The following AXDND1 variants were observed in gnomAD, a reference collection of about 807,000 sequenced individuals.
AXDND1 encodes the protein axonemal dynein light chain domain containing 1.
A neutral mutation model predicts 137.5 loss-of-function variants in AXDND1; 110 were observed. That is an observed-to-expected ratio of 0.80 (90% CI 0.69 to 0.94). AXDND1 has a LOEUF of 0.94. Ranked by LOEUF, AXDND1 falls within the 40% of genes least tolerant of loss-of-function variation. The pLI is 0.00. For synonymous variants in AXDND1, 414 were observed against 399.7 expected (o/e 1.04, Z -0.43); for missense variants, 1,191 against 1,169.8 (o/e 1.02, Z -0.26).
chr1:179,514,658 T>C (rs1049823006), intron 21 of AXDND1, among the ~76,000 whole-genome samples: 2 of 152,198 alleles, frequency 1.3e-5, no homozygotes, highest in African/African-American at 4.8e-5. Context: ...GTGCTGTCAG[T>C]GGAGTATTGA....
rs758850607 is a variant in AXDND1 at position 179,534,847 on chromosome 1, G to C, written c.2916G>C (p.Lys972Asn). 18 of 1,611,150 alleles carry C rather than the reference G, an allele frequency of 1.1e-5. No homozygotes were observed. The highest frequency in any genetic ancestry group is 1.4e-5 in the Non-Finnish European group (17 of 1,179,400). Residue 972 changes from lysine (K) to asparagine (N), a missense_variant, in exon 25 of 26, where the codon AAG (lysine) becomes AAC (asparagine). Physicochemically the swap from Lys to Asn is moderately conservative, Grantham distance 94. Coordinates refer to ENST00000367618, the MANE Select transcript of AXDND1 (RefSeq NM_144696.6). ...DLEELVMTSR[K>N]ESKEEKENQD... ...AGGAATTAGTCATGACATCAAGAAA[G>C]GAGTCTAAAGAAGAGAAAGAAAATC...
At chr1:179,461,950 G>A (rs1437297857) in intron 16 of AXDND1, among the ~76,000 whole-genome samples, 1 of 152,180 alleles carries the variant, frequency 6.6e-6, no homozygotes, top group Non-Finnish European at 1.5e-5. Context: ...TTTGGGCTGA[G>A]ACAATGAGGT....
chr1:179,395,256 A>G (rs61173288), intron 11 of AXDND1, 54 bp downstream of exon 11: 513,797 of 1,372,610 alleles, frequency 0.37, 97,488 homozygotes, highest in Admixed American at 0.44. Context: ...AGAAGCTTAT[A>G]TAGCTTCTGA....
At chr1:179,465,703 A>G (rs1663049015) in intron 16 of AXDND1, among the ~76,000 whole-genome samples, 1 of 152,228 alleles carries the variant, frequency 6.6e-6, no homozygotes, top group African/African-American at 2.4e-5. Flanking sequence ...TTGTTCAGCT[A>G]TGCCCTGCCC....
At chr1:179,478,704 T>C (rs1054490567) in intron 17 of AXDND1, among the ~76,000 whole-genome samples, 2 of 152,270 alleles carry the variant, frequency 1.3e-5, no homozygotes, top group African/African-American at 4.8e-5. Flanking sequence ...TATGCAGATT[T>C]CTGCAGCTGT....
intron 17 of AXDND1, among the ~76,000 whole-genome samples, chr1:179,480,253 A>G (rs1467245968): frequency 6.6e-6 from 1 of 152,148 alleles, no homozygotes; most frequent in Non-Finnish European, 1.5e-5. Flanking sequence ...TAATTGACTC[A>G]GAGTTCCACA....
chr1:179,472,051 C>T (rs7417915), intron 17 of AXDND1, among the ~76,000 whole-genome samples: 69,415 of 151,924 alleles, frequency 0.46, 16,742 homozygotes, highest in East Asian at 0.76. Flanking sequence ...TGTGCCACCA[C>T]GCCTGGCTAA....
At chr1:179,542,377 G>T (rs774469702) in intron 25 of AXDND1, among the ~76,000 whole-genome samples, 3 of 152,110 alleles carry the variant, frequency 2.0e-5, no homozygotes, top group Non-Finnish European at 4.4e-5. Context: ...TTAGCCAACT[G>T]CTCGCAGCCC....
intron 11 of AXDND1, among the ~76,000 whole-genome samples, chr1:179,407,676 A>G (rs562200577): frequency 6.6e-6 from 1 of 152,034 alleles, no homozygotes; most frequent in Admixed American, 6.6e-5. Context: ...TTTGTCTCTG[A>G]CTTCTGACAG....
chr1:179,399,526 C>T (rs55769548), intron 11 of AXDND1, among the ~76,000 whole-genome samples: 16,817 of 152,184 alleles, frequency 0.11, 1,065 homozygotes, highest in African/African-American at 0.15. Flanking sequence ...GCAAGGATTT[C>T]ATGACCAAGA....
At chr1:179,371,426 T>TCAAAA (rs1321026648) in intron 4 of AXDND1, among the ~76,000 whole-genome samples, 1 of 152,086 alleles carries the variant, frequency 6.6e-6, no homozygotes, top group African/African-American at 2.4e-5. Context: ...AGACTCCCTC[T>TCAAAA]CAAAACAAAA....
At chr1:179,441,144 G>A (rs775886919) in intron 15 of AXDND1, among the ~76,000 whole-genome samples, 2 of 152,148 alleles carry the variant, frequency 1.3e-5, no homozygotes, top group African/African-American at 4.8e-5. Flanking sequence ...CCCTTGTCTC[G>A]TTACCCGGCA....
intron 9 of AXDND1, among the ~76,000 whole-genome samples, chr1:179,391,915 A>G (rs11803781): frequency 0.29 from 44,297 of 152,004 alleles, 6,654 homozygotes; most frequent in Non-Finnish European, 0.31. Context: ...CATGTGAAGA[A>G]GGACATGTTT....
intron 19 of AXDND1, 87 bp downstream of exon 19, chr1:179,491,824 G>A: frequency 1.7e-6 from 2 of 1,185,904 alleles, no homozygotes; most frequent in Admixed American, 5.4e-5. Flanking sequence ...AGCAATAGGA[G>A]TTATTTTAAA....
At chr1:179,369,226 T>C (rs1667778108) in intron 3 of AXDND1, among the ~76,000 whole-genome samples, 1 of 152,082 alleles carries the variant, frequency 6.6e-6, no homozygotes, top group Admixed American at 6.5e-5. Context: ...TACAGGTCTG[T>C]GCCACCACAC....
chr1:179,378,849 A>C (rs1313745556), intron 5 of AXDND1, 92 bp downstream of exon 5: 8 of 1,073,632 alleles, frequency 7.5e-6, no homozygotes, highest in East Asian at 3.7e-5. Flanking sequence ...ATAAAATATA[A>C]AACAACGTCA....
intron 16 of AXDND1, chr1:179,448,064 G>T: frequency 4.4e-6 from 5 of 1,147,514 alleles, no homozygotes; most frequent in South Asian, 1.3e-5. Context: ...GGCAAACCAG[G>T]TGCAATGTTA....
intron 11 of AXDND1, among the ~76,000 whole-genome samples, chr1:179,406,846 T>C (rs1298691171): frequency 6.6e-6 from 1 of 152,208 alleles, no homozygotes; most frequent in Non-Finnish European, 1.5e-5. Context: ...ATTTAATTCT[T>C]TTATATTCAA....
At chr1:179,474,207 A>G (rs1664325929) in intron 17 of AXDND1, among the ~76,000 whole-genome samples, 1 of 143,102 alleles carries the variant, frequency 7.0e-6, no homozygotes, top group African/African-American at 2.6e-5. Flanking sequence ...ACAGAGCAAG[A>G]CTCCACCTCA....
Sources: gnomAD v4.1 joint callset for allele counts (sites outside exome capture counted in the v4.1 genomes callset) on GRCh38, gnomAD v4.1.1 for gene constraint, MANE v1.5 for transcripts, NCBI Gene and HGNC (gene_info 2026-07-23, HGNC 2026-07-21) for gene names.